The following CPLANE1 variants were observed in gnomAD, a reference collection of about 807,000 sequenced individuals.
CPLANE1 encodes the protein ciliogenesis and planar polarity effector 1.
Under a neutral mutation model 362.5 loss-of-function variants are expected in CPLANE1, and 263 were observed. The observed-to-expected ratio is 0.73, with a 90% CI of 0.66 to 0.80. The LOEUF (loss-of-function observed/expected upper bound fraction) is 0.80. CPLANE1 is among the 30% of genes least tolerant of loss of function. The pLI is 0.00. For synonymous variants in CPLANE1, 1,212 were observed against 1,302.6 expected (o/e 0.93, Z 1.50); for missense variants, 3,461 against 3,793.4 (o/e 0.91, Z 2.30).
chr5:37,241,520 G>A (rs568216828), intron 6 of CPLANE1, among the ~76,000 whole-genome samples: 132 of 152,164 alleles, frequency 8.7e-4, no homozygotes, highest in African/African-American at 3.0e-3. Flanking sequence ...AAACTTTGGG[G>A]ATAGTATCAA....
At chr5:37,176,048 G>C in intron 30 of CPLANE1, 62 bp from the exon 31 acceptor site, 3 of 1,085,568 alleles carry the variant, frequency 2.8e-6, no homozygotes, top group East Asian at 2.4e-5. Flanking sequence ...TCTAAGGTAT[G>C]AGTGATCTAT....
intron 18 of CPLANE1, among the ~76,000 whole-genome samples, chr5:37,202,313 T>C (rs1326478606): frequency 6.6e-6 from 1 of 151,908 alleles, no homozygotes; most frequent in Non-Finnish European, 1.5e-5. Flanking sequence ...AGGCACACAC[T>C]ATCCAGGCTA....
At chr5:37,170,383 C>T (rs766536530) in intron 32 of CPLANE1, 52 bp from the exon 33 acceptor site, 1 of 1,500,466 alleles carries the variant, frequency 6.7e-7, no homozygotes, top group African/African-American at 1.4e-5. Flanking sequence ...CAAAAAGAAT[C>T]TAAGGAATAA....
chr5:37,157,929 C>T (rs1247547617), intron 39 of CPLANE1, 61 bp from the exon 40 acceptor site: 22 of 445,474 alleles, frequency 4.9e-5, no homozygotes, highest in African/African-American at 1.6e-4. Flanking sequence ...GTGGTCACTC[C>T]GCCAAAAAAA....
chr5:37,199,140 A>C (rs993204219), intron 19 of CPLANE1, among the ~76,000 whole-genome samples: 2 of 150,272 alleles, frequency 1.3e-5, no homozygotes, highest in African/African-American at 4.9e-5. Flanking sequence ...AATGATGCTC[A>C]CTGCTTCTCA....
chr5:37,198,567 T>C, intron 20 of CPLANE1, 135 bp downstream of exon 20: 1 of 844,080 alleles, frequency 1.2e-6, no homozygotes, highest in Non-Finnish European at 1.8e-6. Context: ...GGTCTGTTTG[T>C]TTATGAATAA....
In CPLANE1 at chr5:37,180,101, C is replaced by A. The variant is rs757968306; in HGVS notation, c.5653G>T (p.Glu1885Ter). The A allele has an allele frequency of 1.9e-6, 3 of 1,561,058 alleles. No homozygotes were observed. The highest frequency in any genetic ancestry group is 1.4e-5 in the African/African-American group (1 of 72,600). ...AGATTCTCATCAATATCTATAAATT[C>A]TTTTTTAGTATTATGAGTGATGGAA... ...IISITHNTKK[E>*]FIDIDENLLE... is the part of the protein sequence containing the mutation. The change falls in exon 28 of 53, where the codon GAA becomes TAA. Residue 1885 changes from glutamate to a stop codon, truncating the protein, a stop_gained. Transcript: ENST00000651892. LOFTEE classifies it high-confidence loss of function.
Position 37,177,519 on chromosome 5 carries a change from A to C in CPLANE1, c.5900+102T>G, listed in dbSNP as rs184251736. ...GAAGTTACAGTTTCACTAGAAACAC[A>C]ATACCACCCTAAATCATGTATTGTA... On this transcript the variant is annotated intron_variant, in intron 30 of 52. Coordinates refer to ENST00000651892, the MANE Select transcript of CPLANE1 (RefSeq NM_001384732.1). The C allele has an allele frequency of 6.0e-5, 49 of 819,070 alleles. No individual in the cohort carries two copies. The East Asian group carries it at 1.2e-3, about 20-fold the overall frequency. 50.7% of individuals were successfully genotyped at this position (819,070 alleles called of 1,614,324 possible). A position where few individuals can be genotyped will look rare whatever the true frequency, so the allele number is the denominator to read the frequency against.
Position 37,183,582 on chromosome 5 carries a change from A to G in CPLANE1, c.4599T>C (p.Asn1533=), listed in dbSNP as rs1389791334. 1 of 1,612,412 alleles carries G rather than the reference A, an allele frequency of 6.2e-7. No individual in the cohort carries two copies. The highest frequency in any genetic ancestry group is 8.5e-7 in the Non-Finnish European group (1 of 1,178,986). Residue 1533 remains asparagine (N), a synonymous_variant, in exon 26 of 53, where the codon AAT becomes AAC. Coordinates refer to ENST00000651892, the MANE Select transcript of CPLANE1 (RefSeq NM_001384732.1). ...KKEDHEKLSQ[N]TLPVIGVWEF... is the part of the protein sequence containing the mutation. Reference sequence around the variant, plus strand: ...CCCAAACACCTATTACAGGAAGTGTATTTTGTGATAACTTTTCATGATCTT... The same window carrying G: ...CCCAAACACCTATTACAGGAAGTGTGTTTTGTGATAACTTTTCATGATCTT...
At chr5:37,128,427 G>A (rs187689983) in intron 46 of CPLANE1, among the ~76,000 whole-genome samples, 3 of 152,302 alleles carry the variant, frequency 2.0e-5, no homozygotes, top group Non-Finnish European at 2.9e-5. Context: ...TGCAGATGGT[G>A]TCACCTGGAG....
chr5:37,247,162 G>A (rs1739959327), intron 2 of CPLANE1, among the ~76,000 whole-genome samples: 1 of 152,114 alleles, frequency 6.6e-6, no homozygotes, highest in Non-Finnish European at 1.5e-5. Flanking sequence ...CATATATTAT[G>A]AATGGCATTC....
Position 37,125,372 on chromosome 5 carries a change from C to G in CPLANE1, c.8830G>C (p.Asp2944His), listed in dbSNP as rs761880579. Residue 2944 changes from aspartate to histidine, a missense_variant, in exon 47 of 53, where the codon GAC becomes CAC. Around this residue, in one of 2 missense-constraint regions of CPLANE1, gnomAD observed 3,380 missense variants for 3,666.1 expected, o/e 0.92. Coordinates refer to ENST00000651892, the MANE Select transcript of CPLANE1 (RefSeq NM_001384732.1). ...HYSGRHSQRT[D>H]KERREIQAWM... is the part of the protein sequence containing the mutation. Reference sequence around the variant, plus strand: ...GCTTGAATCTCTCTTCTTTCCTTGTCAGTTCTTTGTGAATGTCTGCCAGAA... The same window carrying G: ...GCTTGAATCTCTCTTCTTTCCTTGTGAGTTCTTTGTGAATGTCTGCCAGAA... The G allele has an allele frequency of 4.0e-5, 65 of 1,613,358 alleles. No homozygotes were observed. The Middle Eastern group carries it at 9.9e-4, about 24-fold the overall frequency.
intron 44 of CPLANE1, 109 bp downstream of exon 44, chr5:37,142,201 A>G: frequency 7.6e-7 from 1 of 1,310,186 alleles, no homozygotes. Context: ...AATAAATATT[A>G]CAAAATGACT....
chr5:37,123,539 C>G (rs755113931), intron 47 of CPLANE1, among the ~76,000 whole-genome samples: 3 of 152,096 alleles, frequency 2.0e-5, no homozygotes, highest in East Asian at 1.9e-4. Flanking sequence ...GTTCTTAAAC[C>G]CTTAGAGTTT....
chr5:37,211,155 A>G, intron 16 of CPLANE1: 1 of 1,253,806 alleles, frequency 8.0e-7, no homozygotes, highest in Non-Finnish European at 1.2e-6. Context: ...TAAACAGGAA[A>G]AAGTTCTAGC....
chr5:37,125,240 T>C lies in CPLANE1; in HGVS notation c.8958+4A>G. The C allele has an allele frequency of 5.0e-6, 8 of 1,610,122 alleles. No individual in the cohort carries two copies. In the South Asian group the frequency reaches 8.9e-5, roughly 18 times the overall value. On this transcript the variant is annotated splice_donor_region_variant and intron_variant, in intron 47 of 52. Coordinates refer to ENST00000651892, the MANE Select transcript of CPLANE1 (RefSeq NM_001384732.1). ...TTCCATTACCCTTGACATGGCAGAC[T>C]TACTGGATTGCTTCTGGGACAGAAA...
In CPLANE1 at chr5:37,206,254, G is replaced by T; in HGVS notation, c.3092C>A (p.Ser1031Tyr). ...CTGGAAAGCCACACCAATTGAAACA[G>T]ACGTCTTCCAGTCTCCAAGTTTATA... ...LAYKLGDWKTSVSIGVAFQLF... is the reference protein window; with the variant it reads ...LAYKLGDWKTYVSIGVAFQLF... The change falls in exon 17 of 53, where the codon TCT becomes TAT. Residue 1031 changes from serine (S) to tyrosine (Y), a missense_variant. Around this residue, in one of 2 missense-constraint regions of CPLANE1, gnomAD observed 3,380 missense variants for 3,666.1 expected, o/e 0.92. Coordinates refer to ENST00000651892, the MANE Select transcript of CPLANE1 (RefSeq NM_001384732.1). The T allele has an allele frequency of 6.4e-7, 1 of 1,551,792 alleles. No individual in the cohort carries two copies. The highest frequency in any genetic ancestry group is 8.7e-7 in the Non-Finnish European group (1 of 1,147,014).
In CPLANE1 at chr5:37,230,993, A is replaced by T; in HGVS notation, c.995T>A (p.Met332Lys). Residue 332 changes from methionine to lysine, a missense_variant, in exon 9 of 53, where the codon ATG (methionine) becomes AAG (lysine). Coordinates refer to ENST00000651892, the MANE Select transcript of CPLANE1 (RefSeq NM_001384732.1). Reference sequence around the variant, plus strand: ...TAAAACCAGAGAGCCACGTTTTAACATACAAGCCAGAAAAAGACTATCATG... The same window carrying T: ...TAAAACCAGAGAGCCACGTTTTAACTTACAAGCCAGAAAAAGACTATCATG... ...WTHDSLFLAC[M>K]LKRGSLVLLT... 6.4e-7 allele frequency: 1 copy of T among 1,551,268 alleles called. No homozygotes were observed. The highest frequency in any genetic ancestry group is 8.7e-7 in the Non-Finnish European group (1 of 1,146,702).
intron 32 of CPLANE1, among the ~76,000 whole-genome samples, chr5:37,171,240 G>C (rs10056009): frequency 0.14 from 21,417 of 152,188 alleles, 1,736 homozygotes; most frequent in African/African-American, 0.21. Flanking sequence ...GGAAGCACTA[G>C]CATAGACATT....
Sources: gnomAD v4.1 joint callset for allele counts (sites outside exome capture counted in the v4.1 genomes callset) on GRCh38, gnomAD v4.1.1 for gene constraint, gnomAD v4.1.1 regional missense constraint, MANE v1.5 for transcripts, NCBI Gene and HGNC (gene_info 2026-07-23, HGNC 2026-07-21) for gene names.